Variants in CPNE4 observed in about 807,000 individuals in gnomAD.
CPNE4 encodes the protein copine 4.
CPNE4 carries 25 observed loss-of-function variants against 67.9 expected under a neutral mutation model. That is an observed-to-expected ratio of 0.37 (90% CI 0.27 to 0.51). The LOEUF is 0.51. Ranked by LOEUF, CPNE4 falls within the 20% of genes least tolerant of loss-of-function variation. The pLI, the probability that CPNE4 is intolerant of heterozygous loss-of-function variation, is 0.93. For missense variants in CPNE4, 464 were observed against 690.8 expected (o/e 0.67, Z 3.68); for synonymous variants, 242 against 244.9 (o/e 0.99, Z 0.11).
chr3:131,650,629 C>T (rs1489954350), intron 7 of CPNE4, among the ~76,000 whole-genome samples: 2 of 148,988 alleles, frequency 1.3e-5, no homozygotes, highest in Non-Finnish European at 2.9e-5. Context: ...CCTGTAGTCC[C>T]GGCTACTCGG....
In CPNE4 at chr3:131,747,949, G is replaced by GT. The variant is rs371656387; in HGVS notation, c.181-24325dup. On this transcript the variant is annotated intron_variant, in intron 2 of 15. Coordinates refer to ENST00000429747, the MANE Select transcript of CPNE4 (RefSeq NM_130808.3). ...TGCCTATTTTGGAGGAAAGCACTCA[G>GT]TTTTTTACCATTAAGTATAATATTA... Among the ~76,000 whole-genome samples, 557 of 152,150 alleles carry GT rather than the reference G, an allele frequency of 3.7e-3. 5 individuals carry two copies. Among genetic ancestry groups the GT allele is most frequent in the African/African-American group, 0.013 (540 of 41,526 alleles).
At chr3:131,707,029 T>C (rs556070879) in intron 3 of CPNE4, among the ~76,000 whole-genome samples, 1 of 152,328 alleles carries the variant, frequency 6.6e-6, no homozygotes, top group African/African-American at 2.4e-5. Flanking sequence ...TCCTGAAGGA[T>C]GTATCGTGGG....
At chr3:131,983,795 C>T (rs1346540403) in intron 1 of CPNE4, among the ~76,000 whole-genome samples, 3 of 152,178 alleles carry the variant, frequency 2.0e-5, no homozygotes, top group Non-Finnish European at 2.9e-5. Context: ...GAAACTGAAA[C>T]AGGCAGTTGC....
At chr3:131,785,487 A>T (rs1467471285) in intron 2 of CPNE4, among the ~76,000 whole-genome samples, 1 of 151,878 alleles carries the variant, frequency 6.6e-6, no homozygotes, top group African/African-American at 2.4e-5. Context: ...TGGCTCCCCC[A>T]ATCTCCAGAG....
chr3:131,841,647 G>A (rs1319174103), intron 2 of CPNE4, among the ~76,000 whole-genome samples: 1 of 152,150 alleles, frequency 6.6e-6, no homozygotes, highest in Middle Eastern at 3.2e-3. Flanking sequence ...CCATGTCCAT[G>A]GAAAAATTGT....
chr3:131,616,421 C>G (rs752913583), intron 7 of CPNE4, among the ~76,000 whole-genome samples: 15 of 152,166 alleles, frequency 9.9e-5, no homozygotes, highest in Non-Finnish European at 5.9e-5. Flanking sequence ...TCAGCTCTTC[C>G]AGAAATCCTG....
intron 1 of CPNE4, among the ~76,000 whole-genome samples, chr3:132,001,597 AAGAAAGAAAGAAAG>A (rs2073447822): frequency 1.3e-5 from 2 of 151,258 alleles, no homozygotes; most frequent in African/African-American, 4.9e-5. Flanking sequence ...GAAAGAAAGA[AAGAAAGAAAGAAAG>A]AAAGAAAATG....
intron 1 of CPNE4, among the ~76,000 whole-genome samples, chr3:131,987,300 C>G (rs958151494): frequency 1.3e-5 from 2 of 151,912 alleles, no homozygotes; most frequent in African/African-American, 4.8e-5. Context: ...TGGAAATGTT[C>G]TACATTTGAT....
intron 1 of CPNE4, among the ~76,000 whole-genome samples, chr3:131,998,288 C>A (rs2073346698): frequency 6.6e-6 from 1 of 152,076 alleles, no homozygotes; most frequent in Non-Finnish European, 1.5e-5. Context: ...ATTGCTGATC[C>A]CACGTGTGTA....
chr3:131,855,330 T>C (rs1228674466), intron 2 of CPNE4, among the ~76,000 whole-genome samples: 1 of 151,956 alleles, frequency 6.6e-6, no homozygotes, highest in Admixed American at 6.6e-5. Context: ...GCAGTAGCAA[T>C]GGAATTGTGC....
intron 1 of CPNE4, among the ~76,000 whole-genome samples, chr3:132,003,731 T>C (rs964871421): frequency 3.9e-5 from 6 of 152,050 alleles, no homozygotes; most frequent in Admixed American, 3.3e-4. Flanking sequence ...AATGATTAAA[T>C]TAAAATTCAG....
intron 11 of CPNE4, among the ~76,000 whole-genome samples, chr3:131,563,037 C>T (rs930883987): frequency 9.2e-5 from 14 of 151,990 alleles, no homozygotes; most frequent in Non-Finnish European, 2.1e-4. Context: ...AATCCAGAGA[C>T]ACAGGCAGGC....
chr3:131,553,938 G>A (rs534569215), intron 12 of CPNE4, among the ~76,000 whole-genome samples: 1 of 152,076 alleles, frequency 6.6e-6, no homozygotes, highest in Non-Finnish European at 1.5e-5. Context: ...ATAACCAGGG[G>A]ATTTTGCTGA....
intron 1 of CPNE4, among the ~76,000 whole-genome samples, chr3:132,005,097 C>T (rs1319807170): frequency 6.6e-6 from 1 of 151,598 alleles, no homozygotes; most frequent in Non-Finnish European, 1.5e-5. Context: ...AGAAACAGCA[C>T]CCAGTTGCTC....
chr3:131,876,161 C>A (rs2087436015), intron 2 of CPNE4, among the ~76,000 whole-genome samples: 1 of 151,778 alleles, frequency 6.6e-6, no homozygotes, highest in Admixed American at 6.6e-5. Flanking sequence ...ATCGCTTGAA[C>A]CCAGGAGGCG....
chr3:131,599,518 T>C (rs1188090071), intron 7 of CPNE4, among the ~76,000 whole-genome samples: 2 of 152,154 alleles, frequency 1.3e-5, no homozygotes, highest in Non-Finnish European at 2.9e-5. Flanking sequence ...ATAGAACTCT[T>C]CCTACCAGAG....
At chr3:131,600,018 A>C (rs776051043) in intron 7 of CPNE4, among the ~76,000 whole-genome samples, 13 of 152,228 alleles carry the variant, frequency 8.5e-5, no homozygotes, top group Non-Finnish European at 1.8e-4. Flanking sequence ...GGGCATCCTG[A>C]GGGTTGATCT....
chr3:132,015,082 G>T (rs1378379095), intron 1 of CPNE4, among the ~76,000 whole-genome samples: 1 of 152,016 alleles, frequency 6.6e-6, no homozygotes, highest in East Asian at 1.9e-4. Flanking sequence ...TTTTATAATA[G>T]GTTACAAAGA....
chr3:131,636,442 A>G (rs2079388325), intron 7 of CPNE4, among the ~76,000 whole-genome samples: 1 of 152,088 alleles, frequency 6.6e-6, no homozygotes, highest in Non-Finnish European at 1.5e-5. Context: ...ATATAACTCC[A>G]ATGGACTGGG....
Sources: gnomAD v4.1 joint callset for allele counts (sites outside exome capture counted in the v4.1 genomes callset) on GRCh38, gnomAD v4.1.1 for gene constraint, MANE v1.5 for transcripts, NCBI Gene and HGNC (gene_info 2026-07-23, HGNC 2026-07-21) for gene names.